The following NKAIN3 variants were observed in gnomAD, a reference collection of about 807,000 sequenced individuals.
NKAIN3 encodes sodium/potassium-transporting ATPase subunit beta-1-interacting protein 3.
NKAIN3 carries 25 observed loss-of-function variants against 30.2 expected under a neutral mutation model. The observed-to-expected ratio is 0.83, with a 90% CI of 0.60 to 1.16. The LOEUF is 1.16. NKAIN3 is among the 50% of genes most tolerant of loss of function. NKAIN3 has a pLI of 0.00. For synonymous variants in NKAIN3, 91 were observed against 89.6 expected (o/e 1.02, Z -0.09); for missense variants, 225 against 254.1 (o/e 0.89, Z 0.78).
chr8:62,647,695 A>G (rs1446237142), intron 3 of NKAIN3, among the ~76,000 whole-genome samples: 2 of 152,188 alleles, frequency 1.3e-5, no homozygotes, highest in Non-Finnish European at 2.9e-5. Context: ...GATCCAAGAG[A>G]AAATAAAAAT....
At chr8:62,925,084 T>A (rs971860041) in intron 5 of NKAIN3, among the ~76,000 whole-genome samples, 7 of 152,216 alleles carry the variant, frequency 4.6e-5, no homozygotes, top group Non-Finnish European at 8.8e-5. Context: ...TTCTTTAACA[T>A]TCTTCTCACA....
At chr8:62,520,221 C>A (rs1808113750) in intron 1 of NKAIN3, among the ~76,000 whole-genome samples, 1 of 152,120 alleles carries the variant, frequency 6.6e-6, no homozygotes, top group Admixed American at 6.6e-5. Context: ...TAAAATCCCA[C>A]AGTTCTGACT....
At chr8:62,354,989 C>G (rs781121235) in intron 1 of NKAIN3, among the ~76,000 whole-genome samples, 9 of 152,280 alleles carry the variant, frequency 5.9e-5, no homozygotes, top group Non-Finnish European at 1.3e-4. Context: ...CAAGCTATCC[C>G]TTTTCTCTAG....
intron 1 of NKAIN3, among the ~76,000 whole-genome samples, chr8:62,539,696 C>T (rs1808778523): frequency 6.6e-6 from 1 of 152,098 alleles, no homozygotes; most frequent in Non-Finnish European, 1.5e-5. Context: ...CTCAAGCAAT[C>T]CTCCCACCTC....
At chr8:62,926,375 C>T (rs948265633) in intron 5 of NKAIN3, among the ~76,000 whole-genome samples, 18 of 152,172 alleles carry the variant, frequency 1.2e-4, no homozygotes, top group African/African-American at 3.9e-4. Flanking sequence ...CTGCCAGCCC[C>T]CCTGTGGGTT....
At chr8:62,505,036 A>G (rs1041634581) in intron 1 of NKAIN3, among the ~76,000 whole-genome samples, 3 of 152,166 alleles carry the variant, frequency 2.0e-5, no homozygotes, top group African/African-American at 4.8e-5. Context: ...TTTTCTCCCC[A>G]CAAGCTAAGT....
intron 3 of NKAIN3, among the ~76,000 whole-genome samples, chr8:62,625,764 T>C (rs1811769237): frequency 6.6e-6 from 1 of 152,016 alleles, no homozygotes; most frequent in African/African-American, 2.4e-5. Flanking sequence ...AATTGGAAAT[T>C]GCCATTTTCT....
chr8:62,917,120 C>A (rs959956481), intron 4 of NKAIN3, among the ~76,000 whole-genome samples: 3 of 152,020 alleles, frequency 2.0e-5, no homozygotes, highest in African/African-American at 7.2e-5. Context: ...GAAGATCTCT[C>A]CAGAGGCCTT....
At chr8:62,705,335 C>A (rs968410060) in intron 3 of NKAIN3, among the ~76,000 whole-genome samples, 4 of 152,034 alleles carry the variant, frequency 2.6e-5, no homozygotes, top group African/African-American at 9.7e-5. Context: ...GAGGAGAAGA[C>A]CAACTGAACA....
intron 4 of NKAIN3, among the ~76,000 whole-genome samples, chr8:62,793,360 G>T (rs1475103972): frequency 1.3e-5 from 2 of 152,004 alleles, no homozygotes; most frequent in Non-Finnish European, 2.9e-5. Context: ...GCTTCCTCAT[G>T]GCTTTATCTC....
chr8:62,744,712 C>A (rs1816011978), intron 3 of NKAIN3, among the ~76,000 whole-genome samples: 1 of 152,116 alleles, frequency 6.6e-6, no homozygotes, highest in African/African-American at 2.4e-5. Context: ...AGGTAAATTG[C>A]CTTGCGTTAA....
At chr8:62,865,586 A>C (rs1820391461) in intron 4 of NKAIN3, among the ~76,000 whole-genome samples, 1 of 152,120 alleles carries the variant, frequency 6.6e-6, no homozygotes, top group South Asian at 2.1e-4. Flanking sequence ...GTGACATGCA[A>C]ATGTCATTTT....
In NKAIN3 at chr8:62,828,092, A is replaced by AG. The variant is rs1178741159; in HGVS notation, c.471+80963_471+80964insG. Among the ~76,000 whole-genome samples, 4 of 152,196 alleles carry AG rather than the reference A, an allele frequency of 2.6e-5. No homozygotes were observed. The East Asian group carries it at 7.7e-4, about 29-fold the overall frequency. The stretch of plus-strand genomic sequence containing the variant: ...ATACTACTCAGTAGTAAAAAAAAAA[A>AG]ATTTAAAAAAACTATTGCTATCTAT... On this transcript the variant is annotated intron_variant, in intron 4 of 6. Transcript: ENST00000623646.
At chr8:62,689,585 G>A (rs1169083694) in intron 3 of NKAIN3, among the ~76,000 whole-genome samples, 1 of 151,934 alleles carries the variant, frequency 6.6e-6, no homozygotes, top group East Asian at 1.9e-4. Context: ...CTCAGTAGAT[G>A]ATGTGCTTGT....
chr8:62,321,096 C>G (rs563305557), intron 1 of NKAIN3, among the ~76,000 whole-genome samples: 1 of 152,282 alleles, frequency 6.6e-6, no homozygotes, highest in African/African-American at 2.4e-5. Flanking sequence ...TCTTCCATCA[C>G]TGATACACTT....
chr8:62,356,977 C>A (rs752160479), intron 1 of NKAIN3, among the ~76,000 whole-genome samples: 3 of 152,138 alleles, frequency 2.0e-5, no homozygotes, highest in Non-Finnish European at 4.4e-5. Flanking sequence ...TGGCTCTCAC[C>A]TGTAGTCCCA....
At chr8:62,951,185 C>A (rs1823276048) in intron 5 of NKAIN3, among the ~76,000 whole-genome samples, 1 of 152,012 alleles carries the variant, frequency 6.6e-6, no homozygotes, top group African/African-American at 2.4e-5. Context: ...CTGAAATCTA[C>A]AGCTCCTACC....
At chr8:62,762,780 G>C (rs1816707130) in intron 4 of NKAIN3, among the ~76,000 whole-genome samples, 1 of 152,172 alleles carries the variant, frequency 6.6e-6, no homozygotes, top group East Asian at 1.9e-4. Context: ...CAACAGGATA[G>C]ATGATACTGC....
intron 1 of NKAIN3, among the ~76,000 whole-genome samples, chr8:62,423,478 A>G (rs1804710756): frequency 6.6e-6 from 1 of 150,772 alleles, no homozygotes; most frequent in Non-Finnish European, 1.5e-5. Flanking sequence ...ACCAACATAT[A>G]CATACACACA....
Sources: gnomAD v4.1 joint callset for allele counts (sites outside exome capture counted in the v4.1 genomes callset) on GRCh38, gnomAD v4.1.1 for gene constraint, MANE v1.5 for transcripts, NCBI Gene and HGNC (gene_info 2026-07-23, HGNC 2026-07-21) for gene names.